Variants in MYO15A observed in about 807,000 individuals in gnomAD.
The protein encoded by MYO15A is unconventional myosin-XV.
Under a neutral mutation model 394.6 loss-of-function variants are expected in MYO15A, and 308 were observed. The ratio of observed to expected loss-of-function variants is 0.78; its 90% confidence interval spans 0.71 to 0.86. The LOEUF is 0.86. Among genes scored for constraint, MYO15A ranks in the 40% least tolerant of loss-of-function variants. The pLI, the probability that MYO15A is intolerant of heterozygous loss-of-function variation, is 0.00. For missense variants in MYO15A, 4,606 were observed against 4,799.1 expected, an observed-to-expected ratio of 0.96 and a Z score of 1.19; for synonymous variants, 1,957 against 2,003.8, an observed-to-expected ratio of 0.98 and a Z score of 0.62.
Position 18,137,481 on chromosome 17 carries a change from G to A in MYO15A, c.4780-103G>A. On this transcript the variant is annotated intron_variant, in intron 15 of 65. Transcript: ENST00000647165. ...GTGGAGGGTTGTGAGCTGAGGGCCT[G>A]TGGCTGAGCTCCAGCTTTTTGAAGT... 9 of 949,190 alleles carry A rather than the reference G, an allele frequency of 9.5e-6. No individual in the cohort carries two copies. The South Asian group carries it at 1.2e-4, about 13-fold the overall frequency. The allele number at this position is 949,190 out of a possible 1,614,324, so 58.8% of individuals were successfully genotyped here. A position where few individuals can be genotyped will look rare whatever the true frequency, so the allele number is the denominator to read the frequency against.
chr17:18,169,115 AAATAATAATAAT>A (rs368379543), intron 62 of MYO15A, among the ~76,000 whole-genome samples: 89 of 128,482 alleles, frequency 6.9e-4, no homozygotes, highest in Middle Eastern at 3.9e-3. Flanking sequence ...CTCCATCTCA[AAATAATAATAAT>A]AATAATAATA....
At chr17:18,159,097 C>T (rs537980616) in intron 53 of MYO15A, 100 bp downstream of exon 53, 6 of 1,423,106 alleles carry the variant, frequency 4.2e-6, no homozygotes, top group Admixed American at 1.9e-5. Context: ...CAGTGAGACC[C>T]TCTGATTCTC....
chr17:18,157,810 GC>G lies in MYO15A; in HGVS notation c.8879del (p.Pro2960GlnfsTer74). On this transcript the variant is annotated frameshift_variant, in exon 51 of 66. Transcript: ENST00000647165. LOFTEE classifies it high-confidence loss of function. ...CTGCTGCCCCCGACTTCCTGCAGCT[GC>G]CAACGGAGCCAGGCCGCGGCCGAGC... ...PAAAPDFLQLPTEPGRGRAAA... is the reference protein window; with the variant it reads ...PAAAPDFLQLXTEPGRGRAAA... 1 of 1,600,368 alleles carries G rather than the reference GC, an allele frequency of 6.2e-7. No individual in the cohort carries two copies. The highest frequency in any genetic ancestry group is 1.1e-5 in the South Asian group (1 of 90,952).
Position 18,148,082 on chromosome 17 carries a change from T to C in MYO15A, c.6563T>C (p.Leu2188Pro). 6.2e-7 allele frequency: 1 copy of C among 1,613,936 alleles called. No homozygotes were observed. The highest frequency in any genetic ancestry group is 8.5e-7 in the Non-Finnish European group (1 of 1,180,034). ...NGFQAVCQHR[L>P]MQAMGRAQQQ... Reference sequence around the variant, plus strand: ...TTCCAGGCTGTGTGTCAGCACCGCCTCATGCAGGCCATGGGCCGGGCCCAA... The same window carrying C: ...TTCCAGGCTGTGTGTCAGCACCGCCCCATGCAGGCCATGGGCCGGGCCCAA... The change falls in exon 31 of 66, where the codon CTC (leucine) becomes CCC (proline). Residue 2188 changes from leucine (L) to proline (P), a missense_variant. Leu to Pro is a moderately conservative substitution (Grantham distance 98). Coordinates refer to ENST00000647165, the MANE Select transcript of MYO15A (RefSeq NM_016239.4). This position sits in a 1 kb window ranked among gnomAD's most constrained non-coding sequence, Gnocchi z 4.8.
chr17:18,162,463 G>A (rs1015433269), intron 57 of MYO15A, 122 bp from the exon 58 acceptor site: 4 of 861,432 alleles, frequency 4.6e-6, no homozygotes, highest in African/African-American at 1.7e-5. Flanking sequence ...AAATGGGGGA[G>A]TAAATGCCTT....
At position 18,148,299 on chromosome 17, in the gene MYO15A, T is replaced by C. The variant is rs1453025247; in HGVS notation, c.6691+89T>C. The C allele has an allele frequency of 1.9e-6, 3 of 1,562,462 alleles. No individual in the cohort carries two copies. In the African/African-American group the frequency reaches 4.1e-5, roughly 21 times the overall value. On this transcript the variant is annotated intron_variant, in intron 31 of 65. Transcript: ENST00000647165. The surrounding 1 kb of genome is among the most constrained non-coding windows in gnomAD (Gnocchi z 4.8). Reference sequence around the variant, plus strand: ...GGATGGCAGAAGCCACTGGATGTTCTGGAGCTGGGGAGGGGCCTTCTCAGA... The same window carrying C: ...GGATGGCAGAAGCCACTGGATGTTCCGGAGCTGGGGAGGGGCCTTCTCAGA...
rs1317184525 is a variant in MYO15A, at chr17:18,153,847, A to T, written c.8039A>T (p.Asn2680Ile). 6.2e-7 allele frequency: 1 copy of T among 1,613,478 alleles called. No individual in the cohort carries two copies. The change falls in exon 43 of 66, where the codon AAC becomes ATC. Residue 2680 changes from asparagine (N) to isoleucine (I), a missense_variant. By Grantham distance (149) the Asn-to-Ile change is moderately radical. Around this residue, in one of 2 missense-constraint regions of MYO15A, gnomAD observed 2,776 missense variants for 3,109.3 expected, o/e 0.89. Transcript: ENST00000647165. The surrounding 1 kb of genome is among the most constrained non-coding windows in gnomAD (Gnocchi z 4.1). Reference protein sequence around the residue: ...QTRLHRLINPNFYGYQDAPWK... With the variant: ...QTRLHRLINPIFYGYQDAPWK... ...CGGCTGCACCGCCTCATCAATCCCAACTTCTACGGCTATCAGGACGCCCCC... is the reference window on the plus strand; with the variant it reads ...CGGCTGCACCGCCTCATCAATCCCATCTTCTACGGCTATCAGGACGCCCCC...
chr17:18,126,288 G>A, intron 4 of MYO15A, 59 bp from the exon 5 acceptor site: 2 of 1,373,272 alleles, frequency 1.5e-6, no homozygotes, highest in Non-Finnish European at 2.1e-6. Context: ...GCATAGGGGA[G>A]GGAGGGACAT....
chr17:18,125,914 C>G (rs2046029823), intron 4 of MYO15A, among the ~76,000 whole-genome samples: 2 of 152,088 alleles, frequency 1.3e-5, no homozygotes, highest in African/African-American at 2.4e-5. Context: ...AATGACAGAA[C>G]AGAGGGCCAG....
At chr17:18,154,023 A>G in intron 43 of MYO15A, 108 bp from the exon 44 acceptor site, 1 of 1,597,384 alleles carries the variant, frequency 6.3e-7, no homozygotes, top group African/African-American at 1.3e-5. Flanking sequence ...GGCTGAAACC[A>G]GGGGTGGGGT....
intron 44 of MYO15A, 26 bp from the exon 45 acceptor site, chr17:18,154,654 G>A: frequency 6.2e-7 from 1 of 1,611,650 alleles, no homozygotes; most frequent in Non-Finnish European, 8.5e-7. Flanking sequence ...CCCATGTGCT[G>A]CCTGCATCAC....
At position 18,132,603 on chromosome 17, in the gene MYO15A, G is replaced by A. The variant is rs777810318; in HGVS notation, c.4320+37G>A. On this transcript the variant is annotated intron_variant, in intron 11 of 65. Coordinates refer to ENST00000647165, the MANE Select transcript of MYO15A (RefSeq NM_016239.4). This position sits in a 1 kb window ranked among gnomAD's most constrained non-coding sequence, Gnocchi z 4.6. Reference sequence around the variant, plus strand: ...CAGGCATCTGAAGGCCCCTGGCCCTGGTCCTCCCACCCCGACGCCCCTGGC... The same window carrying A: ...CAGGCATCTGAAGGCCCCTGGCCCTAGTCCTCCCACCCCGACGCCCCTGGC... 6 of 1,566,732 alleles carry A rather than the reference G, an allele frequency of 3.8e-6. No individual in the cohort carries two copies. The South Asian group carries it at 4.4e-5, about 12-fold the overall frequency.
intron 33 of MYO15A, 28 bp from the exon 34 acceptor site, chr17:18,149,188 A>C (rs1473850539): frequency 1.2e-6 from 2 of 1,613,486 alleles, no homozygotes; most frequent in Admixed American, 3.3e-5. Flanking sequence ...TCTGGGGGTC[A>C]GTAGCTCCAT....
At chr17:18,159,459 C>T in intron 54 of MYO15A, 112 bp downstream of exon 54, 1 of 1,485,098 alleles carries the variant, frequency 6.7e-7, no homozygotes, top group Non-Finnish European at 9.4e-7. Flanking sequence ...CTCCCGCCAG[C>T]TCAGACATGG....
chr17:18,133,228 G>A lies in MYO15A; in HGVS notation c.4324G>A (p.Gly1442Arg), dbSNP rs1219962618. ...CTCAGCCTCTGCCCTCATGCAGGGT[G>A]GGAACTGTGAGATAGCAGGAAAGAG... is the stretch of plus-strand genomic sequence containing the variant. The part of the protein sequence containing the change: ...AETYYYLNQG[G>R]NCEIAGKSDA... Residue 1442 changes from glycine (G) to arginine (R), a missense_variant, in exon 12 of 66, where the codon GGG becomes AGG. Coordinates refer to ENST00000647165, the MANE Select transcript of MYO15A (RefSeq NM_016239.4). 6.2e-7 allele frequency: 1 copy of A among 1,614,032 alleles called. No homozygotes were observed. Among genetic ancestry groups the A allele is most frequent in the Non-Finnish European group, 8.5e-7 (1 of 1,179,976 alleles).
In MYO15A at chr17:18,145,991, G is replaced by A; in HGVS notation, c.6393G>A (p.Leu2131=). 1.2e-6 allele frequency: 2 copies of A among 1,613,858 alleles called. No individual in the cohort carries two copies. Among genetic ancestry groups the A allele is most frequent in the South Asian group, 1.1e-5 (1 of 91,076 alleles). Residue 2131 remains leucine (L), a synonymous_variant, in exon 30 of 66, where the codon CTG becomes CTA. Coordinates refer to ENST00000647165, the MANE Select transcript of MYO15A (RefSeq NM_016239.4). ...PELRDEILAQ[L]ANQVWHNHNA... is the part of the protein sequence containing the mutation. ...TGCGGGATGAGATCCTGGCACAGCT[G>A]GCCAATCAGGTGTGGCACAATCACA...
At chr17:18,164,261 T>C in intron 60 of MYO15A, 1 of 279,974 alleles carries the variant, frequency 3.6e-6, no homozygotes, top group Non-Finnish European at 7.0e-6. Flanking sequence ...GAGGTGTCAC[T>C]AGCCCCTCTC....
At chr17:18,143,425 T>C (rs1261003934) in intron 25 of MYO15A, 141 bp from the exon 26 acceptor site, 16 of 917,530 alleles carry the variant, frequency 1.7e-5, no homozygotes, top group Non-Finnish European at 2.8e-5. Flanking sequence ...ACCTGTGGAG[T>C]GGGGCAGTCA....
intron 48 of MYO15A, 26 bp from the exon 49 acceptor site, chr17:18,156,928 C>T (rs2046684491): frequency 6.2e-7 from 1 of 1,602,422 alleles, no homozygotes; most frequent in African/African-American, 1.3e-5. Context: ...GGGCTGTTGC[C>T]CTCACCCTGC....
Sources: allele counts gnomAD v4.1 joint callset (sites outside exome capture counted in the v4.1 genomes callset), GRCh38; gene constraint gnomAD v4.1.1; regional missense constraint gnomAD v4.1.1; non-coding constraint Gnocchi (gnomAD v3.1); transcripts MANE v1.5; gene names NCBI Gene and HGNC (gene_info 2026-07-23, HGNC 2026-07-21).